KLHL1: variants seen among roughly 807,000 people sequenced by gnomAD.
KLHL1 encodes kelch-like protein 1.
Under a neutral mutation model 77.7 loss-of-function variants are expected in KLHL1, and 47 were observed. That is an observed-to-expected ratio of 0.60 (90% CI 0.48 to 0.77). The LOEUF (loss-of-function observed/expected upper bound fraction) is 0.77. Ranked by LOEUF, KLHL1 falls within the 30% of genes least tolerant of loss-of-function variation. KLHL1 has a pLI of 0.00. For missense variants in KLHL1, 925 were observed against 910.8 expected (o/e 1.02, Z -0.20); for synonymous variants, 360 against 325.2 (o/e 1.11, Z -1.15).
chr13:70,082,602 T>G (rs1325689352), intron 1 of KLHL1, among the ~76,000 whole-genome samples: 5 of 152,188 alleles, frequency 3.3e-5, no homozygotes, highest in African/African-American at 1.2e-4. Flanking sequence ...AGTTAAACTA[T>G]TTTTTAAAAA....
chr13:69,759,104 C>G (rs145702222), intron 7 of KLHL1, among the ~76,000 whole-genome samples: 1 of 151,962 alleles, frequency 6.6e-6, no homozygotes, highest in Non-Finnish European at 1.5e-5. Context: ...AGCAGGGAGG[C>G]AAATCTGGGC....
At chr13:69,974,393 A>G (rs188191526) in intron 2 of KLHL1, among the ~76,000 whole-genome samples, 11 of 151,748 alleles carry the variant, frequency 7.2e-5, no homozygotes, top group African/African-American at 2.4e-4. Context: ...AACAATTTGC[A>G]TAACTAAATA....
intron 3 of KLHL1, among the ~76,000 whole-genome samples, chr13:69,961,088 C>A (rs1884049302): frequency 6.6e-6 from 1 of 151,878 alleles, no homozygotes. Flanking sequence ...TTTATTTAAG[C>A]CAGTTTAAAT....
At chr13:69,836,992 C>T (rs1879018679) in intron 6 of KLHL1, among the ~76,000 whole-genome samples, 1 of 151,808 alleles carries the variant, frequency 6.6e-6, no homozygotes, top group African/African-American at 2.4e-5. Context: ...TAATGATGAA[C>T]ACTTGGGGAT....
At chr13:69,949,254 AATAGTAC>A (rs1883628114) in intron 3 of KLHL1, among the ~76,000 whole-genome samples, 1 of 151,602 alleles carries the variant, frequency 6.6e-6, no homozygotes, top group South Asian at 2.1e-4. Flanking sequence ...TCGCATTCAG[AATAGTAC>A]ATCTCATTTA....
intron 4 of KLHL1, among the ~76,000 whole-genome samples, chr13:69,933,770 T>TA (rs1883081915): frequency 6.6e-6 from 1 of 151,536 alleles, no homozygotes; most frequent in African/African-American, 2.4e-5. Flanking sequence ...GTCATACTGG[T>TA]AGCACCGGAC....
rs143781379 is a variant in KLHL1 at position 69,850,852 on chromosome 13, T to C, written c.1228-11690A>G. Among the ~76,000 whole-genome samples, 572 of 151,836 alleles carry C rather than the reference T, an allele frequency of 3.8e-3. 7 individuals carry two copies. Among genetic ancestry groups the C allele is most frequent in the Admixed American group, 0.027 (415 of 15,154 alleles). On this transcript the variant is annotated intron_variant, in intron 5 of 10. Transcript: ENST00000377844. ...CTTCTACATTGTCAAGGCTGTTCTA[T>C]ACATTATCCTTCACGAGAACAATTT...
chr13:69,888,879 C>T (rs781107490), intron 4 of KLHL1, among the ~76,000 whole-genome samples: 9 of 151,802 alleles, frequency 5.9e-5, no homozygotes, highest in Non-Finnish European at 1.2e-4. Context: ...CAACTATTTC[C>T]CATCTTTAAA....
intron 1 of KLHL1, among the ~76,000 whole-genome samples, chr13:70,083,851 T>C (rs1887453684): frequency 6.6e-6 from 1 of 152,134 alleles, no homozygotes; most frequent in Non-Finnish European, 1.5e-5. Flanking sequence ...TTATACCCCA[T>C]ACATGTATAC....
At chr13:69,952,563 T>C (rs576236361) in intron 3 of KLHL1, among the ~76,000 whole-genome samples, 2 of 151,364 alleles carry the variant, frequency 1.3e-5, no homozygotes, top group East Asian at 1.9e-4. Context: ...AGTGAAATAA[T>C]AGCCATAATA....
chr13:69,887,967 T>G (rs578126006), intron 4 of KLHL1, among the ~76,000 whole-genome samples: 1 of 152,184 alleles, frequency 6.6e-6, no homozygotes, highest in African/African-American at 2.4e-5. Flanking sequence ...TCAATTTCTG[T>G]CTTACTTATT....
chr13:69,885,424 AT>A (rs59491613), intron 4 of KLHL1, among the ~76,000 whole-genome samples: 133,091 of 148,946 alleles, frequency 0.89, 60,235 homozygotes, highest in East Asian at 0.96. Flanking sequence ...TGTAGGTGTT[AT>A]TTTTTTTTTT....
chr13:69,875,408 C>T (rs1199371554), intron 5 of KLHL1, among the ~76,000 whole-genome samples: 1 of 151,974 alleles, frequency 6.6e-6, no homozygotes, highest in Admixed American at 6.6e-5. Context: ...GTAAGAAGTG[C>T]TCATTGCAGT....
At chr13:69,778,839 CCGAGG>C (rs1376559140) in intron 7 of KLHL1, among the ~76,000 whole-genome samples, 1 of 141,456 alleles carries the variant, frequency 7.1e-6, no homozygotes, top group Non-Finnish European at 1.5e-5. Context: ...TGCTCTGTCA[CCGAGG>C]CTGGAGTACA....
chr13:69,867,575 A>C lies in KLHL1; in HGVS notation c.1227+14708T>G, dbSNP rs539018031. Among the ~76,000 whole-genome samples, 177 of 152,168 alleles carry C rather than the reference A, an allele frequency of 1.2e-3. 1 individual carries two copies. Among genetic ancestry groups the C allele is most frequent in the Middle Eastern group, 3.4e-3 (1 of 294 alleles). On this transcript the variant is annotated intron_variant, in intron 5 of 10. Transcript: ENST00000377844. ...TAATTATTTTTTAAATGTTCTTCAG[A>C]AAACATATTTTGCCTTATAATTTAT...
At chr13:70,001,080 T>C (rs1433962220) in intron 1 of KLHL1, among the ~76,000 whole-genome samples, 1 of 151,302 alleles carries the variant, frequency 6.6e-6, no homozygotes, top group Admixed American at 6.6e-5. Flanking sequence ...TGATTTGTTG[T>C]GTAAATAATT....
intron 3 of KLHL1, among the ~76,000 whole-genome samples, chr13:69,943,055 T>C (rs1883412536): frequency 6.6e-6 from 1 of 152,128 alleles, no homozygotes; most frequent in Non-Finnish European, 1.5e-5. Flanking sequence ...TTTGGACTTA[T>C]ATTATTTCCC....
chr13:69,935,688 G>A (rs2138290926), intron 4 of KLHL1, among the ~76,000 whole-genome samples: 1 of 152,242 alleles, frequency 6.6e-6, no homozygotes, highest in Middle Eastern at 3.4e-3. Context: ...GTGAAGTTAT[G>A]CTTAGTGTTG....
At chr13:69,739,149 A>T (rs1873882053) in intron 8 of KLHL1, among the ~76,000 whole-genome samples, 1 of 152,204 alleles carries the variant, frequency 6.6e-6, no homozygotes, top group Admixed American at 6.5e-5. Context: ...AGCTAGCTTA[A>T]CTAAGCTTCA....
Sources: allele counts gnomAD v4.1 joint callset (sites outside exome capture counted in the v4.1 genomes callset), GRCh38; gene constraint gnomAD v4.1.1; transcripts MANE v1.5; gene names NCBI Gene and HGNC (gene_info 2026-07-23, HGNC 2026-07-21).